The following CDH2 variants were observed in gnomAD, a reference collection of about 807,000 sequenced individuals.
The protein encoded by CDH2 is cadherin 2, also known as cadherin-2.
CDH2 carries 17 observed loss-of-function variants against 92.0 expected under a neutral mutation model. The observed-to-expected ratio is 0.18, with a 90% CI of 0.13 to 0.28. CDH2 has a LOEUF of 0.28. Among genes scored for constraint, CDH2 ranks in the 10% least tolerant of loss-of-function variants. CDH2 has a pLI of 1.00. For missense variants in CDH2, 862 were observed against 1,133.1 expected, an observed-to-expected ratio of 0.76 and a Z score of 3.44; for synonymous variants, 419 against 415.9, an observed-to-expected ratio of 1.01 and a Z score of -0.09.
chr18:27,982,609 C>T (rs2012090935), intron 14 of CDH2, among the ~76,000 whole-genome samples: 1 of 152,052 alleles, frequency 6.6e-6, no homozygotes, highest in South Asian at 2.1e-4. Context: ...ATATAATTAT[C>T]CAGATCCCAA....
intron 1 of CDH2, among the ~76,000 whole-genome samples, chr18:28,155,335 TA>T (rs945638028): frequency 2.6e-5 from 4 of 152,174 alleles, no homozygotes; most frequent in African/African-American, 9.7e-5. Flanking sequence ...ACAAAGGGCT[TA>T]AAAAACAATA....
intron 2 of CDH2, among the ~76,000 whole-genome samples, chr18:28,064,659 C>T (rs2014472120): frequency 6.6e-6 from 1 of 151,050 alleles, no homozygotes; most frequent in African/African-American, 2.4e-5. Flanking sequence ...ACAAAAAAGC[C>T]CCAATTAAAA....
At chr18:28,003,558 C>T (rs1425439729) in intron 6 of CDH2, among the ~76,000 whole-genome samples, 1 of 152,142 alleles carries the variant, frequency 6.6e-6, no homozygotes, top group African/African-American at 2.4e-5. Flanking sequence ...GTCATCTTTT[C>T]TTCCGTTATG....
At chr18:27,982,542 G>C (rs1448645723) in intron 14 of CDH2, among the ~76,000 whole-genome samples, 1 of 152,096 alleles carries the variant, frequency 6.6e-6, no homozygotes, top group African/African-American at 2.4e-5. Flanking sequence ...CTGAAATATT[G>C]GATTTCCTTG....
chr18:27,958,857 C>T (rs1373039302), intron 15 of CDH2, among the ~76,000 whole-genome samples: 2 of 152,064 alleles, frequency 1.3e-5, no homozygotes, highest in African/African-American at 2.4e-5. Context: ...GGCTTTTCTC[C>T]CTTTGCTCAG....
downstream of CDH2, among the ~76,000 whole-genome samples, chr18:27,947,496 A>G (rs1909298165): frequency 6.6e-6 from 1 of 151,852 alleles, no homozygotes; most frequent in Non-Finnish European, 1.5e-5. Flanking sequence ...GCACAAGAGA[A>G]AATGCGAAAA....
intron 2 of CDH2, among the ~76,000 whole-genome samples, chr18:28,089,762 A>G (rs893583655): frequency 2.6e-5 from 4 of 152,180 alleles, no homozygotes; most frequent in African/African-American, 9.7e-5. Context: ...AGTACTCTTT[A>G]CCAGGTCTTA....
intron 14 of CDH2, among the ~76,000 whole-genome samples, chr18:27,972,918 T>C (rs2011704401): frequency 6.6e-6 from 1 of 152,194 alleles, no homozygotes; most frequent in African/African-American, 2.4e-5. Context: ...ACAAGATGTC[T>C]TGAGATGAAT....
chr18:28,171,611 G>A (rs761383782), intron 1 of CDH2, among the ~76,000 whole-genome samples: 28 of 151,980 alleles, frequency 1.8e-4, no homozygotes, highest in East Asian at 5.8e-4. Flanking sequence ...GATAAACTAC[G>A]GTTAATAAAT....
At chr18:27,963,335 G>GA in intron 15 of CDH2, 22 bp downstream of exon 15, 2 of 1,612,242 alleles carry the variant, frequency 1.2e-6, no homozygotes, top group East Asian at 4.5e-5. Flanking sequence ...CTCTTATAGA[G>GA]AAAACGAGTG....
In CDH2 at chr18:28,068,633, C is replaced by T. The variant is rs548535489; in HGVS notation, c.173-54724G>A. 2.6e-5 allele frequency among the ~76,000 whole-genome samples: 4 copies of T among 152,248 alleles called. No homozygotes were observed. In the East Asian group the frequency reaches 5.8e-4, roughly 22 times the overall value. ...CAAAAGAGCTTCACTGAGCCTTGTT[C>T]GAGACTATTGACACTTGATGTTCAC... On this transcript the variant is annotated intron_variant, in intron 2 of 15. Coordinates refer to ENST00000269141, the MANE Select transcript of CDH2 (RefSeq NM_001792.5).
chr18:27,949,348 C>T (rs17493035), downstream of CDH2, among the ~76,000 whole-genome samples: 1,201 of 152,090 alleles, frequency 7.9e-3, 20 homozygotes, highest in African/African-American at 0.027. Flanking sequence ...GCAATTCCAT[C>T]TCCAAGACTC....
intron 15 of CDH2, among the ~76,000 whole-genome samples, chr18:27,956,518 G>A (rs1419277922): frequency 6.6e-6 from 1 of 152,132 alleles, no homozygotes; most frequent in Non-Finnish European, 1.5e-5. Context: ...TTTACATTCT[G>A]TCTTCTACAG....
intron 6 of CDH2, 86 bp downstream of exon 6, chr18:28,005,763 G>T: frequency 2.4e-6 from 2 of 846,860 alleles, no homozygotes; most frequent in South Asian, 6.2e-5. Context: ...AGCCTCATAT[G>T]ATTTCTCCAT....
chr18:27,982,410 A>G (rs955487686), intron 14 of CDH2, among the ~76,000 whole-genome samples: 3 of 152,226 alleles, frequency 2.0e-5, no homozygotes, highest in African/African-American at 7.2e-5. Flanking sequence ...CAGACACTAT[A>G]AATACAAAGA....
chr18:28,068,114 T>C (rs1211597353), intron 2 of CDH2, among the ~76,000 whole-genome samples: 2 of 152,174 alleles, frequency 1.3e-5, no homozygotes, highest in Non-Finnish European at 2.9e-5. Context: ...AGGCTCTCAC[T>C]GGCAAATCCT....
intron 2 of CDH2, among the ~76,000 whole-genome samples, chr18:28,102,762 G>C (rs1390188707): frequency 6.6e-6 from 1 of 151,974 alleles, no homozygotes; most frequent in Non-Finnish European, 1.5e-5. Context: ...AGGTGGCAAG[G>C]GGTGGGCAGT....
At chr18:28,132,933 C>A (rs1289706343) in intron 2 of CDH2, among the ~76,000 whole-genome samples, 1 of 152,220 alleles carries the variant, frequency 6.6e-6, no homozygotes, top group Non-Finnish European at 1.5e-5. Context: ...AAGACTTAGT[C>A]TCACCAAATA....
At chr18:28,128,075 A>C (rs2015706640) in intron 2 of CDH2, among the ~76,000 whole-genome samples, 1 of 152,202 alleles carries the variant, frequency 6.6e-6, no homozygotes, top group African/African-American at 2.4e-5. Context: ...ATATTTGATT[A>C]AAGGAAGTGG....
Sources: gnomAD v4.1 joint callset for allele counts (sites outside exome capture counted in the v4.1 genomes callset) on GRCh38, gnomAD v4.1.1 for gene constraint, MANE v1.5 for transcripts, NCBI Gene and HGNC (gene_info 2026-07-23, HGNC 2026-07-21) for gene names.